Variants in CLVS1 observed in about 807,000 individuals in gnomAD.
The protein encoded by CLVS1 is clavesin 1.
In CLVS1, 10 loss-of-function variants were observed where a neutral mutation model predicts 33.1. That is an observed-to-expected ratio of 0.30 (90% CI 0.19 to 0.51). The LOEUF is 0.51. Among genes scored for constraint, CLVS1 ranks in the 20% least tolerant of loss-of-function variants. The pLI is 0.97. For missense variants in CLVS1, 343 were observed against 433.4 expected (o/e 0.79, Z 1.85); for synonymous variants, 163 against 166.1 (o/e 0.98, Z 0.14).
chr8:61,215,681 A>AGTGTGT (rs1808067226), intron 2 of CLVS1, among the ~76,000 whole-genome samples: 1 of 98,808 alleles, frequency 1.0e-5, no homozygotes, highest in Non-Finnish European at 2.3e-5. Context: ...TGAAATTGAA[A>AGTGTGT]ATGTGTGTGT....
chr8:61,158,103 T>C (rs1806683875), intron 2 of CLVS1, among the ~76,000 whole-genome samples: 1 of 152,232 alleles, frequency 6.6e-6, no homozygotes, highest in Non-Finnish European at 1.5e-5. Context: ...CTATCATCTA[T>C]TCAGGTGATG....
chr8:61,340,929 T>C (rs1050707577), intron 2 of CLVS1, among the ~76,000 whole-genome samples: 2 of 152,246 alleles, frequency 1.3e-5, no homozygotes, highest in Admixed American at 6.5e-5. Context: ...GTTTTCAGAT[T>C]GGCAGTTTTG....
At chr8:61,162,858 A>G (rs1806779149) in intron 2 of CLVS1, among the ~76,000 whole-genome samples, 1 of 151,702 alleles carries the variant, frequency 6.6e-6, no homozygotes, top group Non-Finnish European at 1.5e-5. Flanking sequence ...AAGTGAAAAC[A>G]CTCTCTCTGC....
the CLVS1 span, among the ~76,000 whole-genome samples, chr8:60,992,056 C>T: frequency 6.6e-6 from 1 of 152,130 alleles, no homozygotes; most frequent in Non-Finnish European, 1.5e-5. Context: ...CCTCCTGCTG[C>T]TTCTTTAGGT....
chr8:61,501,378 A>G lies in CLVS1; in HGVS notation c.*1836A>G, dbSNP rs1354990015. 2.6e-5 allele frequency: 4 copies of G among 152,192 alleles called. No individual in the cohort carries two copies. Among genetic ancestry groups the G allele is most frequent in the Admixed American group, 2.6e-4 (4 of 15,274 alleles). 9.4% of individuals were successfully genotyped at this position (152,192 alleles called of 1,614,324 possible). ...TTGGCAATACTTAGAACCTTACTGT[A>G]GTGACCTGATTTTAAATACCATATT... On this transcript the variant is annotated 3_prime_UTR_variant, in exon 6 of 6. Coordinates refer to ENST00000325897, the MANE Select transcript of CLVS1 (RefSeq NM_173519.3).
At chr8:61,144,220 GCCCCGGTGTGTGATGTT>G (rs1806371350) in intron 2 of CLVS1, among the ~76,000 whole-genome samples, 1 of 151,914 alleles carries the variant, frequency 6.6e-6, no homozygotes, top group Non-Finnish European at 1.5e-5. Context: ...CCCCCAACAG[GCCCCGGTGTGTGATGTT>G]CCCCTCCCTG....
intron 1 of CLVS1, among the ~76,000 whole-genome samples, chr8:61,091,845 A>G (rs1805255649): frequency 6.6e-6 from 1 of 152,212 alleles, no homozygotes; most frequent in South Asian, 2.1e-4. Context: ...TTCTTATAAA[A>G]TCCTGATAGG....
At chr8:61,364,323 CT>C (rs1238672900) in intron 2 of CLVS1, among the ~76,000 whole-genome samples, 3 of 152,108 alleles carry the variant, frequency 2.0e-5, no homozygotes, top group African/African-American at 7.2e-5. Flanking sequence ...TCACAGCAGC[CT>C]TATATCCTGA....
intron 5 of CLVS1, among the ~76,000 whole-genome samples, chr8:61,494,380 T>C (rs915385909): frequency 6.6e-6 from 1 of 152,148 alleles, no homozygotes; most frequent in African/African-American, 2.4e-5. Flanking sequence ...TAGAGTTGCC[T>C]ACTACACCAC....
rs146021484 is a variant in CLVS1 at position 61,203,171 on chromosome 8, C to T, written c.-152+71311C>T. 658 of 1,139,158 alleles carry T rather than the reference C, an allele frequency of 5.8e-4. 3 individuals carry two copies. In the African/African-American group the frequency reaches 7.4e-3, roughly 13 times the overall value. The allele number at this position is 1,139,158 out of a possible 1,614,324, so 70.6% of individuals were successfully genotyped here. On this transcript the variant is annotated intron_variant, in intron 2 of 2. Coordinates refer to the CLVS1 transcript ENST00000522621. ...CATCAATTACGTGAAGAATTGCTTC[C>T]GGATGACTGACCAAGAGGCTATTCA...
chr8:61,110,668 ACT>A (rs1177584309), intron 1 of CLVS1, among the ~76,000 whole-genome samples: 1 of 151,974 alleles, frequency 6.6e-6, no homozygotes, highest in African/African-American at 2.4e-5. Context: ...CAAAACTGAC[ACT>A]CTGTACCCAC....
chr8:61,193,275 A>T (rs1807532219), intron 2 of CLVS1, among the ~76,000 whole-genome samples: 1 of 152,186 alleles, frequency 6.6e-6, no homozygotes, highest in African/African-American at 2.4e-5. Flanking sequence ...CACGGACAAA[A>T]ATCCAAACAC....
chr8:61,341,092 C>A (rs186361741), intron 2 of CLVS1, among the ~76,000 whole-genome samples: 1 of 152,282 alleles, frequency 6.6e-6, no homozygotes, highest in East Asian at 1.9e-4. Flanking sequence ...TAAAAACATA[C>A]CTTTAATGCA....
the CLVS1 span, among the ~76,000 whole-genome samples, chr8:60,969,628 G>T: frequency 6.6e-6 from 1 of 152,140 alleles, no homozygotes; most frequent in East Asian, 1.9e-4. Context: ...AGTTCAGTCA[G>T]TTGGCAGGGG....
chr8:61,397,937 TC>T (rs1295988747), intron 3 of CLVS1, among the ~76,000 whole-genome samples: 4 of 152,296 alleles, frequency 2.6e-5, no homozygotes, highest in African/African-American at 9.6e-5. Flanking sequence ...AAAATGTTAG[TC>T]ACCCAGCTTT....
intron 1 of CLVS1, among the ~76,000 whole-genome samples, chr8:61,113,230 G>A (rs1805660830): frequency 6.6e-6 from 1 of 152,152 alleles, no homozygotes; most frequent in Non-Finnish European, 1.5e-5. Context: ...GGGAGTTGTG[G>A]GGTGATGCAG....
At chr8:61,432,664 T>C (rs1252564109) in intron 3 of CLVS1, among the ~76,000 whole-genome samples, 1 of 152,208 alleles carries the variant, frequency 6.6e-6, no homozygotes, top group Non-Finnish European at 1.5e-5. Flanking sequence ...TACTTTCTTA[T>C]GATAATGCCA....
intron 2 of CLVS1, among the ~76,000 whole-genome samples, chr8:61,281,151 A>C (rs1328116342): frequency 6.6e-6 from 1 of 152,192 alleles, no homozygotes; most frequent in Non-Finnish European, 1.5e-5. Context: ...AAGAAATGTA[A>C]TTTTTCCTTC....
chr8:61,342,068 G>T (rs1458784495), intron 2 of CLVS1, among the ~76,000 whole-genome samples: 1 of 152,164 alleles, frequency 6.6e-6, no homozygotes, highest in Admixed American at 6.5e-5. Flanking sequence ...GAAAACACTA[G>T]GAAGTTTGCC....
Sources: gnomAD v4.1 joint callset for allele counts (sites outside exome capture counted in the v4.1 genomes callset) on GRCh38, gnomAD v4.1.1 for gene constraint, MANE v1.5 for transcripts, NCBI Gene and HGNC (gene_info 2026-07-23, HGNC 2026-07-21) for gene names.